AK7: variants seen among roughly 807,000 people sequenced by gnomAD.
AK7 encodes the protein ATP-AMP transphosphorylase 7.
A neutral mutation model predicts 96.6 loss-of-function variants in AK7; 78 were observed. That is an observed-to-expected ratio of 0.81 (90% CI 0.67 to 0.97). The LOEUF (loss-of-function observed/expected upper bound fraction) is 0.97. Ranked by LOEUF, AK7 falls within the 50% of genes least tolerant of loss-of-function variation. AK7 has a pLI of 0.00. For missense variants in AK7, 855 were observed against 887.9 expected (o/e 0.96, Z 0.47); for synonymous variants, 302 against 317.2 (o/e 0.95, Z 0.51).
intron 15 of AK7, among the ~76,000 whole-genome samples, chr14:96,482,338 G>C (rs991071330): frequency 1.3e-5 from 2 of 152,138 alleles, no homozygotes; most frequent in African/African-American, 4.8e-5. Context: ...GGTCTGAAGG[G>C]GCTTAGTACC....
chr14:96,475,443 G>T (rs1011259629), intron 14 of AK7, among the ~76,000 whole-genome samples: 11 of 152,204 alleles, frequency 7.2e-5, no homozygotes, highest in Non-Finnish European at 1.3e-4. Context: ...ACAGGCCACA[G>T]TGAACCGTTC....
At chr14:96,479,558 G>A (rs866242782) in intron 15 of AK7, among the ~76,000 whole-genome samples, 1 of 152,000 alleles carries the variant, frequency 6.6e-6, no homozygotes, top group Non-Finnish European at 1.5e-5. Flanking sequence ...ACCCAGAAGA[G>A]CAAATAGCTC....
At chr14:96,415,455 A>G (rs927488521) in intron 4 of AK7, among the ~76,000 whole-genome samples, 1 of 152,240 alleles carries the variant, frequency 6.6e-6, no homozygotes, top group Non-Finnish European at 1.5e-5. Flanking sequence ...TATAGCTGGA[A>G]TGAAGTGTTG....
chr14:96,459,375 A>G (rs903393257), intron 12 of AK7, among the ~76,000 whole-genome samples: 6 of 152,074 alleles, frequency 3.9e-5, no homozygotes, highest in African/African-American at 1.4e-4. Context: ...ATGTTCATAA[A>G]TCACTGGAAC....
Position 96,479,577 on chromosome 14 carries a change from G to A in AK7, c.1753+915G>A, listed in dbSNP as rs899081687. Among the ~76,000 whole-genome samples the A allele has an allele frequency of 3.9e-5, 6 of 151,914 alleles. No homozygotes were observed. The South Asian group carries it at 6.2e-4, about 16-fold the overall frequency. On this transcript the variant is annotated intron_variant, in intron 15 of 17. Coordinates refer to ENST00000267584, the MANE Select transcript of AK7 (RefSeq NM_152327.5). ...AGAAGAGCAAATAGCTCTTCACTGC[G>A]TTCCTTCTTGTTTCCTGTAAACACA...
At chr14:96,471,401 T>G in intron 12 of AK7, 77 bp from the exon 13 acceptor site, 9 of 878,826 alleles carry the variant, frequency 1.0e-5, no homozygotes, top group African/African-American at 1.8e-5. Context: ...CAACAATTTT[T>G]GAGATAACTT....
In AK7 at chr14:96,446,531, T is replaced by C; in HGVS notation, c.794T>C (p.Val265Ala). 1 of 1,614,138 alleles carries C rather than the reference T, an allele frequency of 6.2e-7. No individual in the cohort carries two copies. Among genetic ancestry groups the C allele is most frequent in the East Asian group, 2.2e-5 (1 of 44,882 alleles). ...TGGGTCTGCAGAGTGATACAAAACG[T>C]CATAGATCACGTGCCAAAGCCTCAC... is the stretch of plus-strand genomic sequence containing the variant. ...VLDLAGVIQN[V>A]IDHVPKPHYL... The change falls in exon 8 of 18, where the codon GTC (valine) becomes GCC (alanine). Residue 265 changes from valine to alanine, a missense_variant. Val to Ala is a moderately conservative substitution (Grantham distance 64, BLOSUM62 0). Transcript: ENST00000267584.
chr14:96,475,990 G>GA (rs35587140), intron 14 of AK7, among the ~76,000 whole-genome samples: 4 of 146,840 alleles, frequency 2.7e-5, no homozygotes, highest in Non-Finnish European at 4.5e-5. Flanking sequence ...AAAAAAAAAA[G>GA]AAAAAAAAAA....
intron 12 of AK7, among the ~76,000 whole-genome samples, chr14:96,462,403 G>C (rs1382630423): frequency 6.6e-6 from 1 of 152,074 alleles, no homozygotes; most frequent in African/African-American, 2.4e-5. Context: ...TGAACCCTTG[G>C]CACTGAGGTT....
rs1445638163 is a variant in AK7, at chr14:96,464,506, C to T, written c.1357+6294C>T. Among the ~76,000 whole-genome samples the T allele has an allele frequency of 4.1e-5, 5 of 122,230 alleles. No individual in the cohort carries two copies. In the Admixed American group the frequency reaches 4.7e-4, roughly 11 times the overall value. 80.2% of individuals were successfully genotyped at this position (122,230 alleles called of 152,430 possible). On this transcript the variant is annotated intron_variant, in intron 12 of 17. Coordinates refer to ENST00000267584, the MANE Select transcript of AK7 (RefSeq NM_152327.5). ...CGGGAGGTCAAGGCTGTGGTGTGGCCGAGACTCCAGCCTGGGTGACAGAGC... is the reference window on the plus strand; with the variant it reads ...CGGGAGGTCAAGGCTGTGGTGTGGCTGAGACTCCAGCCTGGGTGACAGAGC...
In AK7 at chr14:96,434,834, TC is replaced by T. The variant is rs1892553875; in HGVS notation, c.610-3000del. The stretch of plus-strand genomic sequence containing the variant: ...CGTAGTCCTTCCCAGTCTTCCCTCT[TC>T]TTTCCAAAGACAGAGGAGCCTCATC... On this transcript the variant is annotated intron_variant, in intron 5 of 17. Transcript: ENST00000267584. 2.0e-5 allele frequency among the ~76,000 whole-genome samples: 3 copies of T among 152,224 alleles called. No individual in the cohort carries two copies. In the East Asian group the frequency reaches 5.8e-4, roughly 29 times the overall value.
chr14:96,405,160 C>T lies in AK7; in HGVS notation c.403+295C>T, dbSNP rs371931294. On this transcript the variant is annotated intron_variant, in intron 3 of 17. Coordinates refer to ENST00000267584, the MANE Select transcript of AK7 (RefSeq NM_152327.5). ...AGGAGTTCAAGACCAGCCTGGACAACGTGACAAGACCTCGTCTCTACAAAA... is the reference window on the plus strand; with the variant it reads ...AGGAGTTCAAGACCAGCCTGGACAATGTGACAAGACCTCGTCTCTACAAAA... 6.5e-4 allele frequency: 114 copies of T among 175,616 alleles called. 1 individual carries two copies. The highest frequency in any genetic ancestry group is 2.5e-3 in the African/African-American group (108 of 42,470). 10.9% of individuals were successfully genotyped at this position (175,616 alleles called of 1,614,324 possible).
chr14:96,450,827 T>G (rs1893557546), intron 9 of AK7, among the ~76,000 whole-genome samples: 1 of 141,902 alleles, frequency 7.0e-6, no homozygotes, highest in Non-Finnish European at 1.5e-5. Flanking sequence ...CAGGCTGGAG[T>G]GCAGTGGCGC....
chr14:96,428,095 T>C (rs1435667164), intron 5 of AK7, among the ~76,000 whole-genome samples: 2 of 152,162 alleles, frequency 1.3e-5, no homozygotes, highest in Non-Finnish European at 2.9e-5. Flanking sequence ...GTATTTCTCC[T>C]AATGCTATCC....
At chr14:96,423,611 G>A in intron 5 of AK7, 1 of 528,812 alleles carries the variant, frequency 1.9e-6, no homozygotes, top group South Asian at 1.7e-5. Context: ...AGTGGGAAGA[G>A]GAGAAAGCTA....
intron 12 of AK7, among the ~76,000 whole-genome samples, chr14:96,461,861 C>T (rs1595445124): frequency 6.6e-6 from 1 of 152,232 alleles, no homozygotes; most frequent in East Asian, 1.9e-4. Context: ...GCTGGGACTA[C>T]AGGCGTGAGC....
At chr14:96,470,657 G>A (rs950870975) in intron 12 of AK7, among the ~76,000 whole-genome samples, 3 of 152,174 alleles carry the variant, frequency 2.0e-5, no homozygotes, top group African/African-American at 4.8e-5. Flanking sequence ...GAAGGGAGCC[G>A]TGTTCTTTTC....
At chr14:96,476,808 T>G (rs895122416) in intron 14 of AK7, among the ~76,000 whole-genome samples, 1 of 152,232 alleles carries the variant, frequency 6.6e-6, no homozygotes, top group Admixed American at 6.5e-5. Flanking sequence ...TTTGATTAAC[T>G]GGAATCTTCC....
chr14:96,456,525 T>C (rs1336749712), intron 11 of AK7, 50 bp downstream of exon 11: 1 of 1,587,602 alleles, frequency 6.3e-7, no homozygotes, highest in East Asian at 2.3e-5. Context: ...TACTGTATTG[T>C]TCTTAGGGTA....
Sources: gnomAD v4.1 joint callset for allele counts (sites outside exome capture counted in the v4.1 genomes callset) on GRCh38, gnomAD v4.1.1 for gene constraint, MANE v1.5 for transcripts, NCBI Gene and HGNC (gene_info 2026-07-23, HGNC 2026-07-21) for gene names.